Variants in HLTF observed in about 807,000 individuals in gnomAD.
HLTF encodes helicase like transcription factor.
HLTF carries 127 observed loss-of-function variants against 129.4 expected under a neutral mutation model. The ratio of observed to expected loss-of-function variants is 0.98; its 90% confidence interval spans 0.85 to 1.14. The LOEUF (loss-of-function observed/expected upper bound fraction) is 1.14. Among genes scored for constraint, HLTF ranks in the 50% most tolerant of loss-of-function variants. The probability of loss-of-function intolerance (pLI) is 0.00; values close to 1 mark genes in which losing one functional copy is unlikely to be tolerated. For synonymous variants in HLTF, 332 were observed against 388.8 expected (o/e 0.85, Z 1.72); for missense variants, 1,139 against 1,187.1 (o/e 0.96, Z 0.60).
In HLTF at chr3:149,032,092, CTT is replaced by C. The variant is rs1251518200; in HGVS notation, c.*126_*127del. 4.8e-6 allele frequency: 3 copies of C among 622,570 alleles called. No individual in the cohort carries two copies. The highest frequency in any genetic ancestry group is 7.7e-6 in the Non-Finnish European group (3 of 391,842). The allele number at this position is 622,570 out of a possible 1,614,324, so 38.6% of individuals were successfully genotyped here. ...AGAAGAAATTGTGTCAGTAATACCT[CTT>C]CACTAATATAAAATATGCCCCTTTT... is the stretch of plus-strand genomic sequence containing the variant. On this transcript the variant is annotated 3_prime_UTR_variant, in exon 25 of 25. Transcript: ENST00000310053.
At position 149,064,838 on chromosome 3, in the gene HLTF, T is replaced by G. The variant is rs61761956; in HGVS notation, c.1019A>C (p.Lys340Thr). 2.0e-4 allele frequency: 323 copies of G among 1,599,276 alleles called. 2 individuals carry two copies. The highest frequency in any genetic ancestry group is 1.0e-3 in the South Asian group (92 of 90,718). The change falls in exon 9 of 25, where the codon AAA becomes ACA. Residue 340 changes from lysine (K) to threonine (T), a missense_variant. Physicochemically the swap from Lys to Thr is moderately conservative, Grantham distance 78. Transcript: ENST00000310053. The stretch of plus-strand genomic sequence containing the variant: ...TTCACTGGTATTGTTTCCTCCAAGT[T>G]TCATAGAGTCATCGTTAACATTATA... ...KEYNVNDDSM[K>T]LGGNNTSEKA...
At chr3:149,057,627 T>C (rs879664744) in intron 13 of HLTF, among the ~76,000 whole-genome samples, 5 of 152,192 alleles carry the variant, frequency 3.3e-5, no homozygotes, top group African/African-American at 7.2e-5. Context: ...ATAAAACTTA[T>C]GTGAATGTGG....
chr3:149,061,601 G>A (rs1037384696), intron 10 of HLTF, among the ~76,000 whole-genome samples: 8 of 151,590 alleles, frequency 5.3e-5, no homozygotes, highest in African/African-American at 1.7e-4. Context: ...TTTGGGAGGC[G>A]GAGGTGGGCA....
intron 2 of HLTF, among the ~76,000 whole-genome samples, chr3:149,081,311 C>T (rs1453914618): frequency 7.2e-6 from 1 of 139,384 alleles, no homozygotes; most frequent in Admixed American, 7.0e-5. Flanking sequence ...AATAAGAAAA[C>T]ACCAGAGTTA....
At chr3:149,065,955 G>A (rs1438389006) in intron 8 of HLTF, among the ~76,000 whole-genome samples, 8 of 151,980 alleles carry the variant, frequency 5.3e-5, no homozygotes, top group African/African-American at 1.9e-4. Context: ...ATCCTATCAA[G>A]TCTACAATAA....
At chr3:149,041,269 T>C (rs1716111848) in intron 20 of HLTF, among the ~76,000 whole-genome samples, 1 of 152,140 alleles carries the variant, frequency 6.6e-6, no homozygotes, top group Non-Finnish European at 1.5e-5. Flanking sequence ...TGAACAGCAA[T>C]GATATAAACA....
chr3:149,060,606 T>C (rs1717847648), intron 12 of HLTF, 37 bp downstream of exon 12: 2 of 1,495,392 alleles, frequency 1.3e-6, no homozygotes, highest in African/African-American at 1.4e-5. Context: ...TTTAATAATC[T>C]TGAAGTCTAG....
rs926711198 is a variant in HLTF, at chr3:149,086,455, G to A, written c.-119C>T. On this transcript the variant is annotated 5_prime_UTR_variant, in exon 1 of 25. Coordinates refer to ENST00000310053, the MANE Select transcript of HLTF (RefSeq NM_003071.4). ...AAGCCGGGGACAAATTCCGAGCGCCGGATCAGGAGCGCACGACTGAAAGGT... is the reference window on the plus strand; with the variant it reads ...AAGCCGGGGACAAATTCCGAGCGCCAGATCAGGAGCGCACGACTGAAAGGT... 5 of 1,200,166 alleles carry A rather than the reference G, an allele frequency of 4.2e-6. No individual in the cohort carries two copies. The highest frequency in any genetic ancestry group is 2.2e-5 in the Admixed American group (1 of 45,456). 74.3% of individuals were successfully genotyped at this position (1,200,166 alleles called of 1,614,324 possible). A position where few individuals can be genotyped will look rare whatever the true frequency, so the allele number is the denominator to read the frequency against.
rs759817076 is a variant in HLTF at position 149,060,845 on chromosome 3, C to G, written c.1174G>C (p.Val392Leu). 32 of 1,610,146 alleles carry G rather than the reference C, an allele frequency of 2.0e-5. No homozygotes were observed. The highest frequency in any genetic ancestry group is 2.6e-5 in the Non-Finnish European group (31 of 1,177,720). The change falls in exon 11 of 25, where the codon GTC becomes CTC. Residue 392 changes from valine to leucine, a missense_variant. Physicochemically the swap from Val to Leu is conservative, Grantham distance 32 (BLOSUM62 1). Coordinates refer to ENST00000310053, the MANE Select transcript of HLTF (RefSeq NM_003071.4). The stretch of plus-strand genomic sequence containing the variant: ...GAATCACTGCTTTCTATGTACTGGA[C>G]AGCAGTTTTTCTTCTAAAATTAAGT... ...SSRPKRRKTA[V>L]QYIESSDSEE...
Position 149,032,957 on chromosome 3 carries a change from CAAAAAAAAAAAA to C in HLTF, c.2878-597_2878-586del, listed in dbSNP as rs67952189. Among the ~76,000 whole-genome samples, 11 of 67,718 alleles carry C rather than the reference CAAAAAAAAAAAA, an allele frequency of 1.6e-4. No homozygotes were observed. In the East Asian group the frequency reaches 4.8e-3, roughly 30 times the overall value. 44.4% of individuals were successfully genotyped at this position (67,718 alleles called of 152,430 possible). On this transcript the variant is annotated intron_variant, in intron 24 of 24. Transcript: ENST00000310053. ...CAGCCTGGGTGACAGAGCGACGTCTCAAAAAAAAAAAAAAAAAAAACAAAAAACTATTCCCAG... is the reference window on the plus strand; with the variant it reads ...CAGCCTGGGTGACAGAGCGACGTCTCAAAAAAAACAAAAAACTATTCCCAG...
At position 149,071,644 on chromosome 3, in the gene HLTF, A is replaced by C; in HGVS notation, c.641T>G (p.Phe214Cys). The C allele has an allele frequency of 6.3e-7, 1 of 1,579,284 alleles. No individual in the cohort carries two copies. Among genetic ancestry groups the C allele is most frequent in the Non-Finnish European group, 8.7e-7 (1 of 1,153,294 alleles). ...TTTTAAATCTTCAAACAATTTGTCA[A>C]ATTCTGTTTTAAGCTACAATAAACA... The part of the protein sequence containing the change: ...QMTTEQLKTE[F>C]DKLFEDLKED... The change falls in exon 6 of 25, where the codon TTT becomes TGT. Residue 214 changes from phenylalanine to cysteine, a missense_variant. Transcript: ENST00000310053.
chr3:149,072,115 A>G (rs1718926331), intron 5 of HLTF, among the ~76,000 whole-genome samples: 1 of 152,226 alleles, frequency 6.6e-6, no homozygotes, highest in Non-Finnish European at 1.5e-5. Context: ...AACGCCAAAA[A>G]GGCACATAAA....
chr3:149,030,783 C>G lies in HLTF; in HGVS notation c.*1437G>C, dbSNP rs1036194721. 3 of 152,148 alleles carry G rather than the reference C, an allele frequency of 2.0e-5. No homozygotes were observed. The highest frequency in any genetic ancestry group is 4.4e-5 in the Non-Finnish European group (3 of 68,042). 9.4% of individuals were successfully genotyped at this position (152,148 alleles called of 1,614,324 possible). A position where few individuals can be genotyped will look rare whatever the true frequency, so the allele number is the denominator to read the frequency against. ...ACCTGCTACTGCCTCAAAAAGGGACCAGGAAGATTCTAGCTGGCTAATTCA... is the reference window on the plus strand; with the variant it reads ...ACCTGCTACTGCCTCAAAAAGGGACGAGGAAGATTCTAGCTGGCTAATTCA... On this transcript the variant is annotated 3_prime_UTR_variant, in exon 25 of 25. Transcript: ENST00000310053.
At chr3:149,061,555 G>A (rs976499412) in intron 10 of HLTF, among the ~76,000 whole-genome samples, 8 of 151,840 alleles carry the variant, frequency 5.3e-5, no homozygotes, top group Admixed American at 6.6e-5. Context: ...TTGGCTCGTG[G>A]CCAGGCACGG....
At chr3:149,050,454 C>A in intron 14 of HLTF, 79 bp from the exon 15 acceptor site, 1 of 909,042 alleles carries the variant, frequency 1.1e-6, no homozygotes, top group Non-Finnish European at 1.6e-6. Flanking sequence ...AGTAACTGCC[C>A]TGGCAGTAGT....
At chr3:149,044,565 T>C (rs1322838353) in intron 18 of HLTF, among the ~76,000 whole-genome samples, 4 of 152,068 alleles carry the variant, frequency 2.6e-5, no homozygotes, top group African/African-American at 7.2e-5. Context: ...CACACATAGC[T>C]GACTTTGAAC....
At chr3:149,032,952 C>G (rs1319505484) in intron 24 of HLTF, among the ~76,000 whole-genome samples, 1 of 113,852 alleles carries the variant, frequency 8.8e-6, no homozygotes, top group African/African-American at 4.1e-5. Context: ...GACAGAGCGA[C>G]GTCTCAAAAA....
At chr3:149,085,461 C>T (rs1325148014) in intron 1 of HLTF, among the ~76,000 whole-genome samples, 1 of 152,146 alleles carries the variant, frequency 6.6e-6, no homozygotes, top group Non-Finnish European at 1.5e-5. Context: ...TGCACTCCAG[C>T]CTGGACGACA....
intron 14 of HLTF, 101 bp downstream of exon 14, chr3:149,055,202 C>T: frequency 1.4e-6 from 1 of 740,212 alleles, no homozygotes; most frequent in Non-Finnish European, 2.2e-6. Flanking sequence ...AACTGATGAC[C>T]AAGTATATTT....
Sources: gnomAD v4.1 joint callset for allele counts (sites outside exome capture counted in the v4.1 genomes callset) on GRCh38, gnomAD v4.1.1 for gene constraint, MANE v1.5 for transcripts, NCBI Gene and HGNC (gene_info 2026-07-23, HGNC 2026-07-21) for gene names.